Variants in DNAH17 observed in about 807,000 individuals in gnomAD.
The protein encoded by DNAH17 is axonemal beta dynein heavy chain 17.
In DNAH17, 376 loss-of-function variants were observed where a neutral mutation model predicts 485.6. That is an observed-to-expected ratio of 0.77 (90% confidence interval 0.71 to 0.84). The LOEUF (loss-of-function observed/expected upper bound fraction) is 0.84, where lower values mean the gene tolerates loss of function less well. Ranked by LOEUF, DNAH17 falls within the 40% of genes least tolerant of loss-of-function variation. DNAH17 has a pLI of 0.00. For missense variants in DNAH17, 6,370 were observed against 5,839.3 expected (o/e 1.09, Z -2.96); for synonymous variants, 3,031 against 2,405.9 (o/e 1.26, Z -7.60).
At chr17:78,557,654 A>G (rs1184481557) in intron 14 of DNAH17, among the ~76,000 whole-genome samples, 1 of 150,864 alleles carries the variant, frequency 6.6e-6, no homozygotes, top group Non-Finnish European at 1.5e-5. Flanking sequence ...AAAAAAAAAA[A>G]AAAAAAAAAG....
At chr17:78,497,310 C>T (rs1297820224) in intron 37 of DNAH17, among the ~76,000 whole-genome samples, 2 of 152,146 alleles carry the variant, frequency 1.3e-5, no homozygotes, top group African/African-American at 4.8e-5. Context: ...AAGCTGCTCC[C>T]AGCACCTGCC....
chr17:78,450,992 C>G (rs1339852541), intron 66 of DNAH17, 146 bp from the exon 67 acceptor site: 13 of 1,044,658 alleles, frequency 1.2e-5, no homozygotes, highest in Non-Finnish European at 1.8e-5. Context: ...GCTGCAGAAG[C>G]AGAGCCCCTG....
In DNAH17 at chr17:78,567,017, G is replaced by A. The variant is rs756046446; in HGVS notation, c.1434C>T (p.Pro478=). 6 of 1,613,246 alleles carry A rather than the reference G, an allele frequency of 3.7e-6. No individual in the cohort carries two copies. In the African/African-American group the frequency reaches 8.0e-5, roughly 22 times the overall value. The change falls in exon 10 of 81, where the codon CCC becomes CCT. Residue 478 remains proline (P), a synonymous_variant. Coordinates refer to ENST00000389840, the MANE Select transcript of DNAH17 (RefSeq NM_173628.4). ...GACCTACCGAGTCTCCAGGGTCCAA[G>A]GGATCATATTTGCAGTCGGCAAAAA... ...VKVFADCKYD[P]LDPGDSNFDR...
intron 78 of DNAH17, 136 bp from the exon 79 acceptor site, chr17:78,426,736 G>A (rs775613672): frequency 3.3e-5 from 44 of 1,341,192 alleles, no homozygotes; most frequent in South Asian, 2.8e-4. Context: ...TCAGGGCCAC[G>A]CAAGCGCTTC....
chr17:78,466,919 G>T, intron 55 of DNAH17, 103 bp from the exon 56 acceptor site: 1 of 1,294,246 alleles, frequency 7.7e-7, no homozygotes. Flanking sequence ...GCGCCCTGCC[G>T]GGCTCAGCCG....
At position 78,486,508 on chromosome 17, in the gene DNAH17, T is replaced by C. The variant is rs766160125; in HGVS notation, c.6819-2A>G. ...CTCTCGATCCAGCTGCTCACCACCC[T>C]GGGGGTGACAGGAGGCGCCGATGAC... On this transcript the variant is annotated splice_acceptor_variant, in intron 44 of 80. Transcript: ENST00000389840. LOFTEE classifies it high-confidence loss of function. 1.9e-6 allele frequency: 3 copies of C among 1,597,400 alleles called. No individual in the cohort carries two copies. Among genetic ancestry groups the C allele is most frequent in the Non-Finnish European group, 2.6e-6 (3 of 1,169,432 alleles).
intron 14 of DNAH17, among the ~76,000 whole-genome samples, chr17:78,555,836 A>G (rs2092009923): frequency 6.6e-6 from 1 of 152,208 alleles, no homozygotes; most frequent in Non-Finnish European, 1.5e-5. Flanking sequence ...ATAGCACAAA[A>G]GGCGGAGGAA....
chr17:78,475,593 G>T, intron 53 of DNAH17, 76 bp downstream of exon 53: 2 of 1,601,274 alleles, frequency 1.2e-6, no homozygotes, highest in Non-Finnish European at 1.7e-6. Context: ...AATGCCACTC[G>T]GATGTCGATA....
At chr17:78,562,087 T>C (rs975534558) in intron 11 of DNAH17, 107 bp from the exon 12 acceptor site, 66 of 1,339,138 alleles carry the variant, frequency 4.9e-5, no homozygotes, top group Middle Eastern at 2.5e-4. Context: ...TGAGAGAATG[T>C]GTACCTTGCC....
rs1319988486 is a variant in DNAH17, at chr17:78,525,010, A to G, written c.3863T>C (p.Val1288Ala). ...LLKELWDMVV[V>A]VNTSIEDWKT... The stretch of plus-strand genomic sequence containing the variant: ...CCACGCGGCGTGCCCTGCACTCACC[A>G]CAACAACCATGTCCCAGAGCTCCTT... Residue 1288 changes from valine (V) to alanine (A), a missense_variant and splice_region_variant, in exon 25 of 81, where the codon GTG (valine) becomes GCG (alanine). By Grantham distance (64) the Val-to-Ala change is moderately conservative. Transcript: ENST00000389840. 1 of 1,612,136 alleles carries G rather than the reference A, an allele frequency of 6.2e-7. No individual in the cohort carries two copies. The highest frequency in any genetic ancestry group is 8.5e-7 in the Non-Finnish European group (1 of 1,178,690).
At chr17:78,452,192 T>A (rs1045816935) in intron 65 of DNAH17, among the ~76,000 whole-genome samples, 1 of 148,678 alleles carries the variant, frequency 6.7e-6, no homozygotes, top group African/African-American at 2.6e-5. Context: ...CCTCTGCATA[T>A]TGATTTGCCA....
rs57734613 is a variant in DNAH17 at position 78,512,940 on chromosome 17, C to CAAA, written c.4113+1831_4113+1833dup. Among the ~76,000 whole-genome samples the CAAA allele has an allele frequency of 2.7e-3, 225 of 83,288 alleles. 2 individuals carry two copies. The highest frequency in any genetic ancestry group is 0.01 in the African/African-American group (199 of 19,434). The allele number at this position is 83,288 out of a possible 152,430, so 54.6% of individuals were successfully genotyped here. A position where few individuals can be genotyped will look rare whatever the true frequency, so the allele number is the denominator to read the frequency against. ...TGGGCAACAGAGAGAGACTCTAACT[C>CAAA]AAAAAAAAAAAAAAAAAAAAAAAAG... On this transcript the variant is annotated intron_variant, in intron 26 of 80. Coordinates refer to ENST00000389840, the MANE Select transcript of DNAH17 (RefSeq NM_173628.4).
At position 78,499,051 on chromosome 17, in the gene DNAH17, A is replaced by T. The variant is rs1379760905; in HGVS notation, c.5702T>A (p.Phe1901Tyr). 1 of 1,610,978 alleles carries T rather than the reference A, an allele frequency of 6.2e-7. No individual in the cohort carries two copies. Among genetic ancestry groups the T allele is most frequent in the Non-Finnish European group, 8.5e-7 (1 of 1,178,590 alleles). The change falls in exon 37 of 81, where the codon TTT becomes TAT. Residue 1901 changes from phenylalanine (F) to tyrosine (Y), a missense_variant. Transcript: ENST00000389840. ...CAAGACTTCCACTGAGATGCGATTAAACTCGTCAAAGCAGCCCCAGGCTCC... is the reference window on the plus strand; with the variant it reads ...CAAGACTTCCACTGAGATGCGATTATACTCGTCAAAGCAGCCCCAGGCTCC... Reference protein sequence around the residue: ...QTGAWGCFDEFNRISVEVLSV... With the variant: ...QTGAWGCFDEYNRISVEVLSV...
chr17:78,459,490 A>G (rs146071859), intron 60 of DNAH17, among the ~76,000 whole-genome samples: 4 of 152,156 alleles, frequency 2.6e-5, no homozygotes, highest in African/African-American at 9.7e-5. Context: ...CAGGTGTTAC[A>G]TTTTGGGGAC....
At position 78,506,614 on chromosome 17, in the gene DNAH17, C is replaced by T. The variant is rs562626387; in HGVS notation, c.4803+106G>A. 8.3e-4 allele frequency: 1,249 copies of T among 1,511,044 alleles called. 1 individual carries two copies. Among genetic ancestry groups the T allele is most frequent in the Non-Finnish European group, 1.0e-3 (1,126 of 1,116,488 alleles). 93.6% of individuals were successfully genotyped at this position (1,511,044 alleles called of 1,614,324 possible). On this transcript the variant is annotated intron_variant, in intron 30 of 80. Transcript: ENST00000389840. ...AGGGCCTCCTGGAGATGATGGGGCA[C>T]GTCCAAGGACACTTACCCCACCCTA...
At chr17:78,559,077 T>G (rs1490718129) in intron 13 of DNAH17, among the ~76,000 whole-genome samples, 1 of 152,190 alleles carries the variant, frequency 6.6e-6, no homozygotes, top group South Asian at 2.1e-4. Context: ...TTACCCTCAG[T>G]TGAATGAGGT....
intron 16 of DNAH17, 50 bp downstream of exon 16, chr17:78,551,482 GGGC>G: frequency 6.4e-7 from 1 of 1,569,014 alleles, no homozygotes. Context: ...GTTTGCCCCA[GGGC>G]AGCCCCAGGC....
rs1171343856 is a variant in DNAH17 at position 78,560,689 on chromosome 17, T to TC, written c.2031+50dup. ...GTGCTGAGGGAACCTTGGCAGGCCCTCCCCCCGCTCCCAAGGAGCCTTTGA... is the reference window on the plus strand; with the variant it reads ...GTGCTGAGGGAACCTTGGCAGGCCCTCCCCCCCGCTCCCAAGGAGCCTTTGA... On this transcript the variant is annotated intron_variant, in intron 13 of 80. Transcript: ENST00000389840. The TC allele has an allele frequency of 1.6e-5, 24 of 1,487,354 alleles. No homozygotes were observed. The Admixed American group carries it at 2.1e-4, about 13-fold the overall frequency. The allele number at this position is 1,487,354 out of a possible 1,614,324, so 92.1% of individuals were successfully genotyped here.
At chr17:78,458,443 G>C in intron 62 of DNAH17, 122 bp downstream of exon 62, 1 of 789,380 alleles carries the variant, frequency 1.3e-6, no homozygotes, top group Non-Finnish European at 2.1e-6. Flanking sequence ...CTCAAGAAGT[G>C]AAAGTGGCAA....
Sources: gnomAD v4.1 joint callset for allele counts (sites outside exome capture counted in the v4.1 genomes callset) on GRCh38, gnomAD v4.1.1 for gene constraint, MANE v1.5 for transcripts, NCBI Gene and HGNC (gene_info 2026-07-23, HGNC 2026-07-21) for gene names.